The following UNC13C variants were observed in gnomAD, a reference collection of about 807,000 sequenced individuals.
UNC13C encodes the protein unc-13 homolog C.
UNC13C carries 174 observed loss-of-function variants against 245.4 expected under a neutral mutation model. The ratio of observed to expected loss-of-function variants is 0.71; its 90% CI spans 0.63 to 0.80. UNC13C has a LOEUF of 0.80. UNC13C is among the 30% of genes least tolerant of loss of function. The pLI is 0.00. For synonymous variants in UNC13C, 992 were observed against 895.1 expected (o/e 1.11, Z -1.93); for missense variants, 2,829 against 2,602.9 (o/e 1.09, Z -1.89).
At chr15:54,007,682 T>C (rs1238784187) in intron 1 of UNC13C, among the ~76,000 whole-genome samples, 1 of 152,150 alleles carries the variant, frequency 6.6e-6, no homozygotes, top group Non-Finnish European at 1.5e-5. Context: ...ACCTATGTAA[T>C]GGGTTGACAG....
At chr15:54,619,486 C>A (rs1266912573) in intron 30 of UNC13C, among the ~76,000 whole-genome samples, 1 of 152,088 alleles carries the variant, frequency 6.6e-6, no homozygotes, top group East Asian at 1.9e-4. Context: ...AACAAAGTGG[C>A]CACACTTTGT....
the UNC13C span, among the ~76,000 whole-genome samples, chr15:53,966,188 A>T: frequency 6.6e-6 from 1 of 152,048 alleles, no homozygotes; most frequent in South Asian, 2.1e-4. Flanking sequence ...TTCTATTTAT[A>T]TTTTCTATAA....
chr15:54,557,574 C>T (rs1473685305), intron 29 of UNC13C, among the ~76,000 whole-genome samples: 1 of 151,388 alleles, frequency 6.6e-6, no homozygotes, highest in Non-Finnish European at 1.5e-5. Context: ...TCAATGTCTC[C>T]CCGGAGCCCA....
chr15:54,258,540 A>AT (rs541431588), intron 8 of UNC13C, among the ~76,000 whole-genome samples: 8 of 151,292 alleles, frequency 5.3e-5, no homozygotes, highest in South Asian at 2.1e-4. Context: ...ATTTTTTTGT[A>AT]TTTTTTTTAG....
the UNC13C span, among the ~76,000 whole-genome samples, chr15:53,937,302 T>C: frequency 6.6e-6 from 1 of 152,004 alleles, no homozygotes; most frequent in African/African-American, 2.4e-5. Flanking sequence ...AAGACTATCT[T>C]TCTGAAAAAA....
intron 2 of UNC13C, among the ~76,000 whole-genome samples, chr15:54,128,741 G>C (rs191883222): frequency 6.6e-6 from 1 of 152,162 alleles, no homozygotes; most frequent in Non-Finnish European, 1.5e-5. Context: ...AGTGGAAAGG[G>C]CTTTATGTTA....
chr15:54,264,361 G>A lies in UNC13C; in HGVS notation c.3642G>A (p.Gly1214=). ...TKAAKQSVLD[G]TSKWSAKITI... is the part of the protein sequence containing the mutation. ...CGGCCAAACAGAGTGTACTGGATGG[G>A]ACATCTAAGTGGTCTGCAAAAATAA... Residue 1214 remains glycine (G), a synonymous_variant, in exon 9 of 33, where the codon GGG becomes GGA. Coordinates refer to ENST00000260323, the MANE Select transcript of UNC13C (RefSeq NM_001080534.3). 6.2e-7 allele frequency: 1 copy of A among 1,603,292 alleles called. No homozygotes were observed.
chr15:54,037,658 T>C (rs1036009141), intron 2 of UNC13C, among the ~76,000 whole-genome samples: 3 of 152,154 alleles, frequency 2.0e-5, no homozygotes, highest in Admixed American at 2.0e-4. Context: ...GGTCTGTTTT[T>C]GGATGTGGTG....
chr15:53,988,745 C>G (rs1894255389), intron 1 of UNC13C, among the ~76,000 whole-genome samples: 1 of 151,842 alleles, frequency 6.6e-6, no homozygotes, highest in South Asian at 2.1e-4. Context: ...CTTCTTGCTG[C>G]AGGGAAAATC....
intron 30 of UNC13C, among the ~76,000 whole-genome samples, chr15:54,607,545 A>G (rs1051595366): frequency 6.6e-6 from 1 of 152,182 alleles, no homozygotes; most frequent in Non-Finnish European, 1.5e-5. Context: ...TAAATGTTTC[A>G]GACAAGGTAT....
chr15:54,058,376 T>C (rs997783982), intron 2 of UNC13C, among the ~76,000 whole-genome samples: 12 of 152,300 alleles, frequency 7.9e-5, no homozygotes, highest in African/African-American at 2.2e-4. Context: ...AATGGATAAG[T>C]TCCTCGACAC....
At chr15:54,277,164 G>T (rs1053088953) in intron 10 of UNC13C, among the ~76,000 whole-genome samples, 1 of 151,976 alleles carries the variant, frequency 6.6e-6, no homozygotes, top group Non-Finnish European at 1.5e-5. Context: ...ATTTTTATCA[G>T]CATCTCCACA....
intron 28 of UNC13C, among the ~76,000 whole-genome samples, chr15:54,554,839 G>A (rs974405543): frequency 6.6e-5 from 10 of 151,782 alleles, no homozygotes; most frequent in African/African-American, 2.2e-4. Flanking sequence ...AGTGAACAAC[G>A]AAGAAATTCC....
At chr15:54,128,807 C>CTAG (rs1170319080) in intron 2 of UNC13C, among the ~76,000 whole-genome samples, 1 of 152,132 alleles carries the variant, frequency 6.6e-6, no homozygotes, top group Non-Finnish European at 1.5e-5. Context: ...TTACAGAACC[C>CTAG]TAGTTGGGAG....
At chr15:54,384,384 A>G (rs1275373095) in intron 17 of UNC13C, among the ~76,000 whole-genome samples, 1 of 152,144 alleles carries the variant, frequency 6.6e-6, no homozygotes, top group East Asian at 1.9e-4. Flanking sequence ...TCTTCAACAT[A>G]GATTCCAGGA....
intron 1 of UNC13C, among the ~76,000 whole-genome samples, chr15:53,990,647 A>G (rs1894344958): frequency 6.6e-6 from 1 of 152,010 alleles, no homozygotes; most frequent in African/African-American, 2.4e-5. Context: ...AAGTGGATTC[A>G]AGTTTCCCTG....
intron 2 of UNC13C, among the ~76,000 whole-genome samples, chr15:54,060,602 G>C (rs1340830149): frequency 6.6e-6 from 1 of 152,090 alleles, no homozygotes; most frequent in African/African-American, 2.4e-5. Context: ...ATTTGACCCA[G>C]CCATCCCATT....
chr15:53,891,022 C>T, the UNC13C span, among the ~76,000 whole-genome samples: 1 of 152,164 alleles, frequency 6.6e-6, no homozygotes, highest in Non-Finnish European at 1.5e-5. Flanking sequence ...TTTCCCTCTA[C>T]ACATTGTTTT....
At chr15:54,063,912 C>G (rs966310100) in intron 2 of UNC13C, among the ~76,000 whole-genome samples, 1 of 152,044 alleles carries the variant, frequency 6.6e-6, no homozygotes, top group Non-Finnish European at 1.5e-5. Context: ...TTTGGAGGCA[C>G]AAAGGACAAT....
Sources: gnomAD v4.1 joint callset for allele counts (sites outside exome capture counted in the v4.1 genomes callset) on GRCh38, gnomAD v4.1.1 for gene constraint, MANE v1.5 for transcripts, NCBI Gene and HGNC (gene_info 2026-07-23, HGNC 2026-07-21) for gene names.